EFCAB13: variants seen among roughly 807,000 people sequenced by gnomAD.
EFCAB13 encodes the protein EF-hand calcium binding domain 13.
In EFCAB13, 91 loss-of-function variants were observed where a neutral mutation model predicts 110.2. That is an observed-to-expected ratio of 0.83 (90% confidence interval 0.70 to 0.98). EFCAB13 has a LOEUF of 0.98. Ranked by LOEUF, EFCAB13 falls within the 50% of genes least tolerant of loss-of-function variation. The probability of loss-of-function intolerance (pLI) is 0.00; values close to 1 mark genes in which losing one functional copy is unlikely to be tolerated. For synonymous variants in EFCAB13, 323 were observed against 369.9 expected, an observed-to-expected ratio of 0.87 and a Z score of 1.45; for missense variants, 968 against 1,119.4, an observed-to-expected ratio of 0.86 and a Z score of 1.93.
rs907456085 is a variant in EFCAB13 at position 47,436,746 on chromosome 17, A to AT, written c.2639-3674dup. ...GCTTTTTGTTTCATTTATCTTTTGTATTTTTTTTTTTCAATTTCATTTAGT... is the reference window on the plus strand; with the variant it reads ...GCTTTTTGTTTCATTTATCTTTTGTATTTTTTTTTTTTCAATTTCATTTAGT... On this transcript the variant is annotated intron_variant, in intron 24 of 24. Transcript: ENST00000331493. Among the ~76,000 whole-genome samples, 384 of 128,748 alleles carry AT rather than the reference A, an allele frequency of 3.0e-3. 3 individuals are homozygous for AT. Among genetic ancestry groups the AT allele is most frequent in the African/African-American group, 8.9e-3 (308 of 34,700 alleles). 84.5% of individuals were successfully genotyped at this position (128,748 alleles called of 152,430 possible).
chr17:47,424,872 A>ATTTTTTTTTTTTTTTTTT (rs1459453287), intron 23 of EFCAB13, among the ~76,000 whole-genome samples: 7 of 68,326 alleles, frequency 1.0e-4, no homozygotes, highest in Non-Finnish European at 1.7e-4. Flanking sequence ...CCGGTTGACA[A>ATTTTTTTTTTTTTTTTTT]TCTTTTTTTT....
chr17:47,362,918 G>A (rs887420965), intron 10 of EFCAB13, among the ~76,000 whole-genome samples: 4 of 151,962 alleles, frequency 2.6e-5, no homozygotes, highest in Admixed American at 2.0e-4. Context: ...CCTGGCATTC[G>A]GGGCCACTAC....
rs184163267 is a variant in EFCAB13 at position 47,343,950 on chromosome 17, A to G, written c.304-212A>G. On this transcript the variant is annotated intron_variant, in intron 6 of 24. Coordinates refer to ENST00000331493, the MANE Select transcript of EFCAB13 (RefSeq NM_152347.5). ...CATGATTAACTGCATACTTAAGAAAACCATGGCTTTGCAAGAGAACATTGC... is the reference window on the plus strand; with the variant it reads ...CATGATTAACTGCATACTTAAGAAAGCCATGGCTTTGCAAGAGAACATTGC... Among the ~76,000 whole-genome samples, 123 of 152,142 alleles carry G rather than the reference A, an allele frequency of 8.1e-4. 1 individual carries two copies. Among genetic ancestry groups the G allele is most frequent in the Non-Finnish European group, 3.7e-4 (25 of 67,942 alleles).
At chr17:47,396,079 C>T (rs932326199) in intron 17 of EFCAB13, 102 bp downstream of exon 17, 20 of 991,474 alleles carry the variant, frequency 2.0e-5, no homozygotes, top group African/African-American at 1.8e-4. Context: ...ACGGAGTGTT[C>T]GAATATGATT....
intron 20 of EFCAB13, among the ~76,000 whole-genome samples, chr17:47,405,856 C>T (rs1460391452): frequency 1.3e-5 from 2 of 151,510 alleles, no homozygotes; most frequent in East Asian, 3.9e-4. Context: ...TTATATTGTT[C>T]CCTTATACTC....
At chr17:47,357,539 T>A (rs1433478737) in intron 9 of EFCAB13, among the ~76,000 whole-genome samples, 1 of 152,136 alleles carries the variant, frequency 6.6e-6, no homozygotes, top group Non-Finnish European at 1.5e-5. Flanking sequence ...CTCAGCCTCC[T>A]GAGTAGCTGG....
intron 12 of EFCAB13, 91 bp from the exon 13 acceptor site, chr17:47,377,675 C>A: frequency 8.7e-7 from 1 of 1,142,876 alleles, no homozygotes; most frequent in Non-Finnish European, 1.2e-6. Context: ...ATAGATAAAA[C>A]TTGTTCTCTA....
intron 8 of EFCAB13, among the ~76,000 whole-genome samples, chr17:47,347,262 A>G (rs1269520238): frequency 6.6e-6 from 1 of 152,204 alleles, no homozygotes; most frequent in Non-Finnish European, 1.5e-5. Flanking sequence ...CCTGAGCAAC[A>G]GAGAAACTCT....
At chr17:47,324,201 TG>T (rs755511679) in intron 1 of EFCAB13, 127 bp downstream of exon 1, 1 of 152,146 alleles carries the variant, frequency 6.6e-6, no homozygotes, top group Non-Finnish European at 1.5e-5. Flanking sequence ...AGAACAGTGG[TG>T]GGGCTGGGTG....
intron 17 of EFCAB13, among the ~76,000 whole-genome samples, chr17:47,399,016 C>T (rs962613796): frequency 6.6e-6 from 1 of 152,056 alleles, no homozygotes. Flanking sequence ...CTCTGCCTCC[C>T]GGTTCAAGCG....
chr17:47,377,839 T>C lies in EFCAB13; in HGVS notation c.1446T>C (p.Pro482=), dbSNP rs1289079841. Residue 482 remains proline (P), a synonymous_variant, in exon 13 of 25, where the codon CCT becomes CCC. Coordinates refer to ENST00000331493, the MANE Select transcript of EFCAB13 (RefSeq NM_152347.5). ...CAGAAGAACTTCAGTCTATTTTGCC[T>C]TCAACAGGAATTAATTTATTAGATG... The part of the protein sequence containing the change: ...IAAEELQSIL[P]STGINLLDEE... 6.3e-7 allele frequency: 1 copy of C among 1,597,886 alleles called. No individual in the cohort carries two copies. Among genetic ancestry groups the C allele is most frequent in the South Asian group, 1.2e-5 (1 of 86,724 alleles).
chr17:47,366,611 G>A (rs1270873555), intron 10 of EFCAB13, among the ~76,000 whole-genome samples: 1 of 152,088 alleles, frequency 6.6e-6, no homozygotes, highest in Non-Finnish European at 1.5e-5. Context: ...CTCCCTTTAG[G>A]AAATAAGTGA....
At chr17:47,327,271 T>C (rs1304804667) in intron 3 of EFCAB13, among the ~76,000 whole-genome samples, 1 of 152,022 alleles carries the variant, frequency 6.6e-6, no homozygotes, top group African/African-American at 2.4e-5. Context: ...GTTCAAGCAG[T>C]TCTTTGCCTC....
chr17:47,370,732 T>C (rs2065577465), intron 11 of EFCAB13, among the ~76,000 whole-genome samples: 1 of 99,778 alleles, frequency 1.0e-5, no homozygotes, highest in South Asian at 2.9e-4. Flanking sequence ...GTTGTTGTTG[T>C]TGTTTGTTTT....
intron 10 of EFCAB13, among the ~76,000 whole-genome samples, chr17:47,367,125 T>C (rs1285627051): frequency 6.6e-6 from 1 of 152,090 alleles, no homozygotes; most frequent in East Asian, 1.9e-4. Context: ...AGAACTATAA[T>C]CAAAACCAGA....
At chr17:47,363,888 G>T (rs2065530843) in intron 10 of EFCAB13, among the ~76,000 whole-genome samples, 1 of 152,144 alleles carries the variant, frequency 6.6e-6, no homozygotes, top group Admixed American at 6.5e-5. Flanking sequence ...GTGCTCTGGG[G>T]TGAGGCATGA....
In EFCAB13 at chr17:47,328,327, G is replaced by A. The variant is rs768596713; in HGVS notation, c.-27G>A. On this transcript the variant is annotated 5_prime_UTR_variant, in exon 4 of 25. Coordinates refer to ENST00000331493, the MANE Select transcript of EFCAB13 (RefSeq NM_152347.5). ...GTTCATCAAAGCCTGGAGTCCTTAAGGACAGAATTTACCTCTAAACAGAAA... is the reference window on the plus strand; with the variant it reads ...GTTCATCAAAGCCTGGAGTCCTTAAAGACAGAATTTACCTCTAAACAGAAA... 1 of 1,603,148 alleles carries A rather than the reference G, an allele frequency of 6.2e-7. No homozygotes were observed.
chr17:47,402,340 C>G (rs11079774), intron 18 of EFCAB13, 137 bp downstream of exon 18: 393,903 of 765,942 alleles, frequency 0.51, 104,244 homozygotes, highest in African/African-American at 0.55. Flanking sequence ...GCAGATGAAA[C>G]TTGGTTTTGA....
chr17:47,412,989 A>G, intron 22 of EFCAB13, 73 bp downstream of exon 22: 1 of 1,477,398 alleles, frequency 6.8e-7, no homozygotes, highest in Non-Finnish European at 9.1e-7. Context: ...GAGTGTACCT[A>G]TAAGGATAAG....
Sources: allele counts gnomAD v4.1 joint callset (sites outside exome capture counted in the v4.1 genomes callset), GRCh38; gene constraint gnomAD v4.1.1; transcripts MANE v1.5; gene names NCBI Gene and HGNC (gene_info 2026-07-23, HGNC 2026-07-21).